ERBB4: variants seen among roughly 807,000 people sequenced by gnomAD.
ERBB4 encodes receptor tyrosine-protein kinase erbB-4.
Under a neutral mutation model 158.0 loss-of-function variants are expected in ERBB4, and 42 were observed. That is an observed-to-expected ratio of 0.27 (90% CI 0.21 to 0.34). ERBB4 has a LOEUF of 0.34. Ranked by LOEUF, ERBB4 falls within the 10% of genes least tolerant of loss-of-function variation. The pLI, the probability that ERBB4 is intolerant of heterozygous loss-of-function variation, is 1.00. For synonymous variants in ERBB4, 583 were observed against 558.7 expected (o/e 1.04, Z -0.61); for missense variants, 1,333 against 1,624.1 (o/e 0.82, Z 3.08).
chr2:212,171,349 C>T (rs781232633), intron 1 of ERBB4, among the ~76,000 whole-genome samples: 6 of 151,276 alleles, frequency 4.0e-5, no homozygotes, highest in African/African-American at 1.5e-4. Context: ...ATTTTACAGG[C>T]TTATAGGCAG....
chr2:212,124,837 C>A lies in ERBB4; in HGVS notation c.149G>T (p.Arg50Leu), dbSNP rs755026855. 1.3e-5 allele frequency: 21 copies of A among 1,613,996 alleles called. No individual in the cohort carries two copies. Among genetic ancestry groups the A allele is most frequent in the Non-Finnish European group, 1.7e-5 (20 of 1,179,976 alleles). ...SDLEQQYRAL[R>L]KYYENCEVVM... Reference sequence around the variant, plus strand: ...AACCTCACAGTTTTCATAGTACTTGCGCAAGGCTCGGTACTGCTGTTCCAG... The same window carrying A: ...AACCTCACAGTTTTCATAGTACTTGAGCAAGGCTCGGTACTGCTGTTCCAG... The change falls in exon 2 of 28, where the codon CGC becomes CTC. Residue 50 changes from arginine (R) to leucine (L), a missense_variant. This residue lies in a region of ERBB4 where 438 missense variants were observed against 586.9 expected (regional missense o/e 0.75). Coordinates refer to ENST00000342788, the MANE Select transcript of ERBB4 (RefSeq NM_005235.3).
chr2:212,344,957 T>C (rs902536630), intron 1 of ERBB4, among the ~76,000 whole-genome samples: 7 of 152,100 alleles, frequency 4.6e-5, no homozygotes, highest in Non-Finnish European at 8.8e-5. Context: ...AATAAAATAA[T>C]GTTTATAAAA....
intron 1 of ERBB4, among the ~76,000 whole-genome samples, chr2:212,221,525 T>C (rs1054235331): frequency 6.6e-6 from 1 of 151,614 alleles, no homozygotes; most frequent in African/African-American, 2.4e-5. Context: ...GTAACTTTCC[T>C]CCAATAGCTT....
intron 3 of ERBB4, among the ~76,000 whole-genome samples, chr2:211,930,112 AAAAAT>A (rs982069509): frequency 6.6e-6 from 1 of 152,144 alleles, no homozygotes; most frequent in Non-Finnish European, 1.5e-5. Context: ...TTATGCTTTA[AAAAAT>A]AAAATAAAAT....
At chr2:212,153,812 A>G (rs945861674) in intron 1 of ERBB4, among the ~76,000 whole-genome samples, 1 of 152,184 alleles carries the variant, frequency 6.6e-6, no homozygotes, top group African/African-American at 2.4e-5. Context: ...TATAGGAATT[A>G]GAATGTGCGA....
intron 1 of ERBB4, among the ~76,000 whole-genome samples, chr2:212,186,969 A>C (rs993630116): frequency 2.6e-5 from 4 of 152,078 alleles, no homozygotes; most frequent in Non-Finnish European, 5.9e-5. Flanking sequence ...GAAGTAGAAC[A>C]CTTCTCCCTT....
Position 211,722,460 on chromosome 2 carries a change from G to C in ERBB4, c.816C>G (p.Thr272=), listed in dbSNP as rs745672536. The C allele has an allele frequency of 6.2e-7, 1 of 1,613,838 alleles. No individual in the cohort carries two copies. The highest frequency in any genetic ancestry group is 8.5e-7 in the Non-Finnish European group (1 of 1,179,730). Residue 272 remains threonine, a synonymous_variant, in exon 7 of 28, where the codon ACC becomes ACG. Coordinates refer to ENST00000342788, the MANE Select transcript of ERBB4 (RefSeq NM_005235.3). Reference sequence around the variant, plus strand: ...CATTGAAATTGTGCTCCAGTTGAAAGGTGGTTGGATTGTAGACAAAGGTTT... The same window carrying C: ...CATTGAAATTGTGCTCCAGTTGAAACGTGGTTGGATTGTAGACAAAGGTTT... The part of the protein sequence containing the change: ...CPQTFVYNPT[T]FQLEHNFNAK...
chr2:211,830,793 T>G (rs1371749984), intron 3 of ERBB4, among the ~76,000 whole-genome samples: 1 of 152,114 alleles, frequency 6.6e-6, no homozygotes, highest in Non-Finnish European at 1.5e-5. Flanking sequence ...TGAGATTACA[T>G]TTCATCTACG....
intron 3 of ERBB4, among the ~76,000 whole-genome samples, chr2:211,879,137 G>T (rs2078595654): frequency 6.6e-6 from 1 of 151,580 alleles, no homozygotes; most frequent in Non-Finnish European, 1.5e-5. Context: ...TTTTCCCCTA[G>T]AATTCACACA....
At chr2:212,450,516 A>G (rs541644531) in intron 1 of ERBB4, among the ~76,000 whole-genome samples, 29 of 152,284 alleles carry the variant, frequency 1.9e-4, no homozygotes, top group Non-Finnish European at 2.6e-4. Flanking sequence ...TAGGCACCAG[A>G]AGCTGAAAAA....
At chr2:211,555,959 C>T (rs1240405373) in intron 20 of ERBB4, among the ~76,000 whole-genome samples, 1 of 152,130 alleles carries the variant, frequency 6.6e-6, no homozygotes, top group African/African-American at 2.4e-5. Context: ...GGATCAAATC[C>T]ACACATTTCA....
At chr2:211,978,395 TG>T (rs1391975838) in intron 2 of ERBB4, among the ~76,000 whole-genome samples, 16 of 141,484 alleles carry the variant, frequency 1.1e-4, no homozygotes, top group East Asian at 4.0e-4. Context: ...TCTGTCTGTC[TG>T]TCTATCTATC....
chr2:212,195,548 T>C (rs872199), intron 1 of ERBB4, among the ~76,000 whole-genome samples: 5,285 of 152,082 alleles, frequency 0.035, 286 homozygotes, highest in African/African-American at 0.11. Flanking sequence ...TGTAAATCAA[T>C]TTAGGCTTCC....
chr2:212,082,881 C>T (rs1388615691), intron 2 of ERBB4, among the ~76,000 whole-genome samples: 1 of 152,004 alleles, frequency 6.6e-6, no homozygotes, highest in Non-Finnish European at 1.5e-5. Flanking sequence ...AAATTTCCTT[C>T]TCTGGTCCTG....
intron 20 of ERBB4, among the ~76,000 whole-genome samples, chr2:211,551,129 T>C (rs1318123945): frequency 6.6e-6 from 1 of 152,188 alleles, no homozygotes; most frequent in Non-Finnish European, 1.5e-5. Flanking sequence ...TTGTCCATAT[T>C]TCTGAGTTTA....
intron 2 of ERBB4, among the ~76,000 whole-genome samples, chr2:212,095,244 A>G (rs1394280954): frequency 6.6e-6 from 1 of 152,222 alleles, no homozygotes; most frequent in East Asian, 1.9e-4. Flanking sequence ...AGAGGCATGC[A>G]GTTATCAAAA....
chr2:211,384,048 G>A lies in ERBB4; in HGVS notation c.3494C>T (p.Pro1165Leu). 1.2e-6 allele frequency: 2 copies of A among 1,612,030 alleles called. No individual in the cohort carries two copies. The highest frequency in any genetic ancestry group is 1.7e-6 in the Non-Finnish European group (2 of 1,178,350). Residue 1165 changes from proline (P) to leucine (L), a missense_variant, in exon 28 of 28, where the codon CCA becomes CTA. Physicochemically the swap from Pro to Leu is moderately conservative, Grantham distance 98. This residue lies in a region of ERBB4 where 252 missense variants were observed against 241.3 expected (regional missense o/e 1.04). Transcript: ENST00000342788. ...RDKPKQEYLNPVEENPFVSRR... is the reference protein window; with the variant it reads ...RDKPKQEYLNLVEENPFVSRR... ...AGAAACAAAAGGGTTCTCCTCCACT[G>A]GATTCAGGTATTCTAAAGGAATAAA... is the stretch of plus-strand genomic sequence containing the variant.
intron 20 of ERBB4, among the ~76,000 whole-genome samples, chr2:211,438,933 T>C (rs1189686908): frequency 1.3e-5 from 2 of 152,116 alleles, no homozygotes; most frequent in South Asian, 2.1e-4. Context: ...ATAAAAATTA[T>C]TGTTTGCTAT....
intron 15 of ERBB4, among the ~76,000 whole-genome samples, chr2:211,662,657 A>G (rs2071473831): frequency 6.6e-6 from 1 of 152,326 alleles, no homozygotes; most frequent in Non-Finnish European, 1.5e-5. Context: ...TTTCATGGAT[A>G]TTAGTGAGAA....
Sources: gnomAD v4.1 joint callset for allele counts (sites outside exome capture counted in the v4.1 genomes callset) on GRCh38, gnomAD v4.1.1 for gene constraint, gnomAD v4.1.1 regional missense constraint, MANE v1.5 for transcripts, NCBI Gene and HGNC (gene_info 2026-07-23, HGNC 2026-07-21) for gene names.